Variants in ARAF observed in about 807,000 individuals in gnomAD.
ARAF encodes A-Raf proto-oncogene, serine/threonine kinase, also known as serine/threonine-protein kinase A-Raf.
Under a neutral mutation model 48.0 loss-of-function variants are expected in ARAF, and 18 were observed. The observed-to-expected ratio is 0.37, with a 90% CI of 0.26 to 0.56. The LOEUF (loss-of-function observed/expected upper bound fraction) is 0.56. Among genes scored for constraint, ARAF ranks in the 20% least tolerant of loss-of-function variants. The probability of loss-of-function intolerance (pLI) is 0.77; values close to 1 mark genes in which losing one functional copy is unlikely to be tolerated. For missense variants in ARAF, 389 were observed against 543.1 expected (o/e 0.72, Z 2.82); for synonymous variants, 207 against 220.1 (o/e 0.94, Z 0.53).
At position 47,567,371 on chromosome X, in the gene ARAF, A is replaced by C; in HGVS notation, c.1015A>C (p.Lys339Gln). 8.3e-7 allele frequency: 1 copy of C among 1,210,140 alleles called. No individual in the cohort carries two copies. Among genetic ancestry groups the C allele is most frequent in the Non-Finnish European group, 1.1e-6 (1 of 894,821 alleles). Residue 339 changes from lysine (K) to glutamine (Q), a missense_variant, in exon 10 of 16, where the codon AAG (lysine) becomes CAG (glutamine). Around this residue, in one of 4 missense-constraint regions of ARAF, gnomAD observed 170 missense variants for 281.4 expected, o/e 0.60. Coordinates refer to ENST00000377045, the MANE Select transcript of ARAF (RefSeq NM_001654.5). The stretch of plus-strand genomic sequence containing the variant: ...TGGCGATGTGGCCGTGAAGGTGCTC[A>C]AGGTGTCCCAGCCCACAGCTGAGCA... Reference protein sequence around the residue: ...WHGDVAVKVLKVSQPTAEQAQ... With the variant: ...WHGDVAVKVLQVSQPTAEQAQ...
chrX:47,563,586 C>T (rs891757726), intron 3 of ARAF, among the ~76,000 whole-genome samples: 2 of 112,034 alleles, frequency 1.8e-5, no homozygotes, highest in South Asian at 7.3e-4. Flanking sequence ...ATGCCTTTTC[C>T]GTCTTAACTA....
At chrX:47,566,369 C>T (rs11797215) in intron 6 of ARAF, among the ~76,000 whole-genome samples, 4,431 of 111,804 alleles carry the variant, frequency 0.04, 103 homozygotes, top group Non-Finnish European at 0.063. Flanking sequence ...GCACCTATCA[C>T]CATCAGGCAT....
Position 47,571,748 on chromosome X carries a change from T to A in ARAF, c.*291T>A. On this transcript the variant is annotated 3_prime_UTR_variant, in exon 16 of 16. Coordinates refer to ENST00000377045, the MANE Select transcript of ARAF (RefSeq NM_001654.5). ...CAATGGCTGGGATTTGTGGCAGGGATTCCACTCAGAACCTCTCTGGAATTT... is the reference window on the plus strand; with the variant it reads ...CAATGGCTGGGATTTGTGGCAGGGAATCCACTCAGAACCTCTCTGGAATTT... 1 of 315,163 alleles carries A rather than the reference T, an allele frequency of 3.2e-6. No homozygotes were observed. The highest frequency in any genetic ancestry group is 5.5e-6 in the Non-Finnish European group (1 of 181,807). The allele number at this position is 315,163 out of a possible 1,213,427, so 26.0% of individuals were successfully genotyped here.
intron 1 of ARAF, 35 bp downstream of exon 1, chrX:47,561,286 GC>G (rs2057706820): frequency 8.9e-6 from 1 of 112,415 alleles, no homozygotes; most frequent in South Asian, 3.6e-4. Flanking sequence ...GGTTTCTGGA[GC>G]GGCTGCCGGG....
At position 47,568,863 on chromosome X, in the gene ARAF, G is replaced by C; in HGVS notation, c.1222G>C (p.Asp408His). 8.3e-7 allele frequency: 1 copy of C among 1,210,241 alleles called. No individual in the cohort carries two copies. Among genetic ancestry groups the C allele is most frequent in the Non-Finnish European group, 1.1e-6 (1 of 894,934 alleles). The change falls in exon 11 of 16, where the codon GAC becomes CAC. Residue 408 changes from aspartate (D) to histidine (H), a missense_variant. Physicochemically the swap from Asp to His is moderately conservative, Grantham distance 81. This residue lies in a region of ARAF where 170 missense variants were observed against 281.4 expected (regional missense o/e 0.60). Coordinates refer to ENST00000377045, the MANE Select transcript of ARAF (RefSeq NM_001654.5). ...DTRFDMVQLI[D>H]VARQTAQGMD... ...ACGCTTCGACATGGTCCAGCTCATC[G>C]ACGTGGCCCGGCAGACTGCCCAGGG...
intron 1 of ARAF, among the ~76,000 whole-genome samples, 181 bp from the exon 2 acceptor site, chrX:47,562,728 G>T (rs1173687417): frequency 9.0e-6 from 1 of 111,405 alleles, no homozygotes; most frequent in African/African-American, 3.3e-5. Flanking sequence ...CAACAGGAGG[G>T]CCTGAGCAGA....
chrX:47,567,310 G>A lies in ARAF; in HGVS notation c.954G>A (p.Thr318=), dbSNP rs375847681. 36 of 1,209,273 alleles carry A rather than the reference G, an allele frequency of 3.0e-5. No homozygotes were observed. The highest frequency in any genetic ancestry group is 8.8e-5 in the South Asian group (5 of 56,734). ...TGCAGCTGCTGAAGAGGATCGGGACGGGCTCGTTTGGCACCGTGTTTCGAG... is the reference window on the plus strand; with the variant it reads ...TGCAGCTGCTGAAGAGGATCGGGACAGGCTCGTTTGGCACCGTGTTTCGAG... The part of the protein sequence containing the change: ...SEVQLLKRIG[T]GSFGTVFRGR... The change falls in exon 10 of 16, where the codon ACG becomes ACA. Residue 318 remains threonine, a synonymous_variant. Transcript: ENST00000377045.
intron 6 of ARAF, 112 bp downstream of exon 6, chrX:47,565,462 CCTA>C: frequency 9.2e-7 from 1 of 1,084,443 alleles, no homozygotes; most frequent in Non-Finnish European, 1.2e-6. Context: ...TTATTGAGCA[CCTA>C]CAAGTGTGAG....
chrX:47,566,942 C>T (rs371819543), intron 8 of ARAF, 31 bp downstream of exon 8: 80 of 1,209,589 alleles, frequency 6.6e-5, no homozygotes, highest in African/African-American at 2.6e-4. Context: ...CCCTGACCCC[C>T]GCTGCCCCAC....
rs186861544 is a variant in ARAF at position 47,562,928 on chromosome X, C to A, written c.-40C>A. ...TTGTAGGAGCCCCATGGCACCTGCC[C>A]AGCCCCACCTCAGCCCATCTTGACA... On this transcript the variant is annotated 5_prime_UTR_variant, in exon 2 of 16. Transcript: ENST00000377045. 3.1e-4 allele frequency: 330 copies of A among 1,070,282 alleles called. 1 individual carries two copies. The highest frequency in any genetic ancestry group is 5.6e-4 in the Admixed American group (18 of 32,217). 88.2% of individuals were successfully genotyped at this position (1,070,282 alleles called of 1,213,427 possible). A position where few individuals can be genotyped will look rare whatever the true frequency, so the allele number is the denominator to read the frequency against.
In ARAF at chrX:47,563,230, C is replaced by T. The variant is rs975645936; in HGVS notation, c.101C>T (p.Thr34Ile). Residue 34 changes from threonine (T) to isoleucine (I), a missense_variant, in exon 3 of 16, where the codon ACT becomes ATT. Around this residue, in one of 4 missense-constraint regions of ARAF, gnomAD observed 47 missense variants for 66.9 expected, o/e 0.70. Coordinates refer to ENST00000377045, the MANE Select transcript of ARAF (RefSeq NM_001654.5). ...YLPNKQRTVV[T>I]VRDGMSVYDS... ...TACATCTGCACATACACACAGGTGA[C>T]TGTCCGGGATGGCATGAGTGTCTAC... The T allele has an allele frequency of 1.1e-5, 13 of 1,209,575 alleles. No homozygotes were observed. Among genetic ancestry groups the T allele is most frequent in the Non-Finnish European group, 1.5e-5 (13 of 894,071 alleles).
rs760446501 is a variant in ARAF at position 47,565,155 on chromosome X, G to A, written c.458+16G>A. ...ACCGCCAACAGTGAGCCCAGCCTGGGGTGGGTGGGGGGATGGGGAGCACAG... is the reference window on the plus strand; with the variant it reads ...ACCGCCAACAGTGAGCCCAGCCTGGAGTGGGTGGGGGGATGGGGAGCACAG... On this transcript the variant is annotated intron_variant, in intron 5 of 15. Transcript: ENST00000377045. 1 of 1,209,714 alleles carries A rather than the reference G, an allele frequency of 8.3e-7. No homozygotes were observed. Among genetic ancestry groups the A allele is most frequent in the African/African-American group, 1.7e-5 (1 of 57,759 alleles).
intron 14 of ARAF, 198 bp downstream of exon 14, chrX:47,570,222 C>T (rs2057749662): frequency 2.2e-6 from 1 of 446,500 alleles, no homozygotes; most frequent in East Asian, 3.9e-5. Flanking sequence ...CCCCAACTTC[C>T]CTCTTCTCAC....
At chrX:47,562,852 A>T in intron 1 of ARAF, 57 bp from the exon 2 acceptor site, 1 of 579,047 alleles carries the variant, frequency 1.7e-6, no homozygotes, top group Non-Finnish European at 2.7e-6. Flanking sequence ...GTCCCCTGCC[A>T]CTTTGCTTCT....
chrX:47,564,324 CTCT>C (rs2057722917), intron 3 of ARAF, among the ~76,000 whole-genome samples: 1 of 111,921 alleles, frequency 8.9e-6, no homozygotes, highest in Admixed American at 9.4e-5. Flanking sequence ...TTCATCAGGT[CTCT>C]TCTTCCTCAT....
At position 47,568,573 on chromosome X, in the gene ARAF, G is replaced by C; in HGVS notation, c.1077-145G>C. 5 of 572,014 alleles carry C rather than the reference G, an allele frequency of 8.7e-6. No individual in the cohort carries two copies. The South Asian group carries it at 8.8e-5, about 10-fold the overall frequency. The allele number at this position is 572,014 out of a possible 1,213,427, so 47.1% of individuals were successfully genotyped here. ...ACATCTCACAAATTCATGGAATCTG[G>C]CAATGCTTTGGTCCTGAGTGCCCCA... On this transcript the variant is annotated intron_variant, in intron 10 of 15. Transcript: ENST00000377045.
At position 47,569,555 on chromosome X, in the gene ARAF, G is replaced by A; in HGVS notation, c.1317G>A (p.Glu439=). The change falls in exon 13 of 16, where the codon GAG becomes GAA. Residue 439 remains glutamate, a synonymous_variant. Coordinates refer to ENST00000377045, the MANE Select transcript of ARAF (RefSeq NM_001654.5). Reference sequence around the variant, plus strand: ...CCCTGGCGGACATCTTCCTACATGAGGGGCTCACGGTGAAGATCGGTGACT... The same window carrying A: ...CCCTGGCGGACATCTTCCTACATGAAGGGCTCACGGTGAAGATCGGTGACT... ...DLKSNNIFLH[E]GLTVKIGDFG... is the part of the protein sequence containing the mutation. The A allele has an allele frequency of 1.7e-6, 2 of 1,208,158 alleles. No individual in the cohort carries two copies. The highest frequency in any genetic ancestry group is 2.2e-6 in the Non-Finnish European group (2 of 893,325).
chrX:47,562,002 G>T (rs2283736), intron 1 of ARAF, among the ~76,000 whole-genome samples: 23,726 of 95,252 alleles, frequency 0.25, 2,994 homozygotes, highest in African/African-American at 0.42. Context: ...CATCATAGAG[G>T]CTTGGGACTT....
At chrX:47,569,508 G>C (rs2057746419) in intron 12 of ARAF, 31 bp from the exon 13 acceptor site, 1 of 1,142,213 alleles carries the variant, frequency 8.8e-7, no homozygotes, top group Non-Finnish European at 1.2e-6. Context: ...TGGCTATTAG[G>C]AGTCCCTGTA....
Sources: allele counts gnomAD v4.1 joint callset (sites outside exome capture counted in the v4.1 genomes callset), GRCh38; gene constraint gnomAD v4.1.1; regional missense constraint gnomAD v4.1.1; transcripts MANE v1.5; gene names NCBI Gene and HGNC (gene_info 2026-07-23, HGNC 2026-07-21).